The following RTN1 variants were observed in gnomAD, a reference collection of about 807,000 sequenced individuals.
RTN1 encodes the protein reticulon 1, also known as reticulon-1.
In RTN1, 25 loss-of-function variants were observed where a neutral mutation model predicts 65.5. The ratio of observed to expected loss-of-function variants is 0.38; its 90% confidence interval spans 0.28 to 0.53. The LOEUF (loss-of-function observed/expected upper bound fraction) is 0.53. Among genes scored for constraint, RTN1 ranks in the 20% least tolerant of loss-of-function variants. The pLI is 0.79. For synonymous variants in RTN1, 471 were observed against 447.6 expected (o/e 1.05, Z -0.66); for missense variants, 983 against 1,025.4 (o/e 0.96, Z 0.57).
intron 3 of RTN1, among the ~76,000 whole-genome samples, chr14:59,723,004 C>A (rs1049061964): frequency 3.3e-5 from 5 of 151,878 alleles, no homozygotes; most frequent in African/African-American, 4.8e-5. Context: ...CATCATGTTG[C>A]GTAGTCTGGT....
intron 1 of RTN1, among the ~76,000 whole-genome samples, chr14:59,815,834 C>A (rs1442857306): frequency 2.6e-5 from 4 of 152,146 alleles, no homozygotes; most frequent in Non-Finnish European, 5.9e-5. Context: ...TACTGATTCC[C>A]ATCCCTTGAA....
At chr14:59,847,616 A>G (rs1887432729) in intron 1 of RTN1, among the ~76,000 whole-genome samples, 1 of 152,210 alleles carries the variant, frequency 6.6e-6, no homozygotes, top group Admixed American at 6.5e-5. Flanking sequence ...GTGCAAAACA[A>G]TTATCTGCTT....
At chr14:59,603,757 G>C (rs1881653364) in intron 6 of RTN1, 95 bp downstream of exon 6, 2 of 890,652 alleles carry the variant, frequency 2.2e-6, no homozygotes, top group South Asian at 3.0e-5. Flanking sequence ...TTGTTCCTAG[G>C]AATCTCTTTA....
Position 59,633,312 on chromosome 14 carries a change from G to A in RTN1, c.1766-25820C>T, listed in dbSNP as rs188722039. Among the ~76,000 whole-genome samples the A allele has an allele frequency of 9.2e-4, 140 of 152,002 alleles. 5 individuals carry two copies. The East Asian group carries it at 0.024, about 26-fold the overall frequency. On this transcript the variant is annotated intron_variant, in intron 3 of 8. Transcript: ENST00000267484. The stretch of plus-strand genomic sequence containing the variant: ...TTAGCTTAATGTGTAGGTGGTAAGA[G>A]AAACATAAATGAACTTATTCACGGA...
chr14:59,659,064 C>A (rs1370430594), intron 3 of RTN1, among the ~76,000 whole-genome samples: 2 of 151,786 alleles, frequency 1.3e-5, no homozygotes, highest in Non-Finnish European at 2.9e-5. Flanking sequence ...CTGAAAAACA[C>A]AGCAAGAGAA....
At chr14:59,714,228 C>T (rs897537399) in intron 3 of RTN1, among the ~76,000 whole-genome samples, 42 of 146,684 alleles carry the variant, frequency 2.9e-4, no homozygotes, top group African/African-American at 9.7e-4. Flanking sequence ...AGTGAGACTC[C>T]GTCTAAAAAA....
At chr14:59,684,806 T>C (rs1883813788) in intron 3 of RTN1, among the ~76,000 whole-genome samples, 1 of 152,062 alleles carries the variant, frequency 6.6e-6, no homozygotes, top group Non-Finnish European at 1.5e-5. Context: ...GGTATAGAAG[T>C]CTAAGTTCAA....
chr14:59,773,325 T>C (rs558299735), intron 1 of RTN1, among the ~76,000 whole-genome samples: 1 of 152,260 alleles, frequency 6.6e-6, no homozygotes, highest in African/African-American at 2.4e-5. Flanking sequence ...AATATTATCT[T>C]ATTAAGTCTA....
At chr14:59,600,900 G>C (rs919403016) in intron 8 of RTN1, among the ~76,000 whole-genome samples, 2 of 152,034 alleles carry the variant, frequency 1.3e-5, no homozygotes, top group Non-Finnish European at 2.9e-5. Flanking sequence ...ATTTTAACCA[G>C]GCCATGCCCT....
chr14:59,840,745 T>C (rs137996454), intron 1 of RTN1, among the ~76,000 whole-genome samples: 11 of 152,316 alleles, frequency 7.2e-5, no homozygotes, highest in Middle Eastern at 3.4e-3. Context: ...AGCAATAATA[T>C]TTTCTCATAA....
At chr14:59,689,663 T>G (rs1277092536) in intron 3 of RTN1, among the ~76,000 whole-genome samples, 10 of 152,214 alleles carry the variant, frequency 6.6e-5, no homozygotes, top group Non-Finnish European at 1.3e-4. Context: ...TTAGCATTCT[T>G]AGAGAAAAGA....
intron 1 of RTN1, among the ~76,000 whole-genome samples, chr14:59,781,749 G>A: frequency 6.6e-6 from 1 of 151,948 alleles, no homozygotes; most frequent in Non-Finnish European, 1.5e-5. Context: ...TACTTTTCTT[G>A]TATATTGAAT....
intron 3 of RTN1, among the ~76,000 whole-genome samples, chr14:59,716,774 G>A (rs61278445): frequency 0.018 from 2,764 of 151,216 alleles, 89 homozygotes; most frequent in African/African-American, 0.064. Flanking sequence ...TGGCTAACAC[G>A]GTGAAATCCC....
chr14:59,844,308 T>G (rs539413357), intron 1 of RTN1, among the ~76,000 whole-genome samples: 30 of 152,278 alleles, frequency 2.0e-4, no homozygotes, highest in African/African-American at 7.2e-4. Flanking sequence ...ATCACAGGTG[T>G]GGGTTAGTTA....
At chr14:59,853,169 C>T (rs1303439819) in intron 1 of RTN1, among the ~76,000 whole-genome samples, 3 of 152,124 alleles carry the variant, frequency 2.0e-5, no homozygotes, top group Admixed American at 1.3e-4. Flanking sequence ...TACAGATTTT[C>T]CAGTGGGGGT....
chr14:59,774,554 T>A lies in RTN1; in HGVS notation c.242-28073A>T, dbSNP rs1290273559. Among the ~76,000 whole-genome samples, 1 of 150,842 alleles carries A rather than the reference T, an allele frequency of 6.6e-6. No homozygotes were observed. The highest frequency in any genetic ancestry group is 2.1e-4 in the South Asian group (1 of 4,832). ...CACACTGATCAAAATCAGTTCAAAA[T>A]AGTCCAGTTCTTTAATTTGCTTTCT... On this transcript the variant is annotated intron_variant, in intron 1 of 8. Coordinates refer to ENST00000267484, the MANE Select transcript of RTN1 (RefSeq NM_021136.3). This position sits in a 1 kb window ranked among gnomAD's most constrained non-coding sequence, Gnocchi z 5.1.
intron 1 of RTN1, among the ~76,000 whole-genome samples, chr14:59,758,320 T>C (rs1885680775): frequency 6.6e-6 from 1 of 152,148 alleles, no homozygotes; most frequent in African/African-American, 2.4e-5. Flanking sequence ...ACTATTACCA[T>C]GTCACTTCTC....
Position 59,726,926 on chromosome 14 carries a change from C to T in RTN1, c.1758G>A (p.Lys586=), listed in dbSNP as rs758251719. ...CTGCTTGGGATCCTTTACCTTTTTG[C>T]TTATTGAGAAACAGCAGTGGGGGCG... ...GAPPPLLFLN[K]QKAIDLLYWR... The change falls in exon 3 of 9, where the codon AAG becomes AAA. Residue 586 remains lysine, a synonymous_variant. Coordinates refer to ENST00000267484, the MANE Select transcript of RTN1 (RefSeq NM_021136.3). 6.2e-7 allele frequency: 1 copy of T among 1,610,638 alleles called. No individual in the cohort carries two copies. Among genetic ancestry groups the T allele is most frequent in the Non-Finnish European group, 8.5e-7 (1 of 1,178,670 alleles).
intron 3 of RTN1, among the ~76,000 whole-genome samples, chr14:59,710,148 TCCTCTCACCTTAG>T (rs1184377843): frequency 2.0e-5 from 3 of 151,544 alleles, no homozygotes; most frequent in Non-Finnish European, 4.4e-5. Context: ...GCTCAAGTGA[TCCTCTCACCTTAG>T]CCTTCTGAGA....
Sources: gnomAD v4.1 joint callset for allele counts (sites outside exome capture counted in the v4.1 genomes callset) on GRCh38, gnomAD v4.1.1 for gene constraint, Gnocchi (gnomAD v3.1) non-coding constraint, MANE v1.5 for transcripts, NCBI Gene and HGNC (gene_info 2026-07-23, HGNC 2026-07-21) for gene names.